MLLT3: variants seen among roughly 807,000 people sequenced by gnomAD.
The protein encoded by MLLT3 is protein AF-9.
MLLT3 carries 4 observed loss-of-function variants against 53.2 expected under a neutral mutation model. The observed-to-expected ratio is 0.08, with a 90% confidence interval of 0.04 to 0.17. The LOEUF (loss-of-function observed/expected upper bound fraction) is 0.17. MLLT3 is among the 10% of genes least tolerant of loss of function. The pLI is 1.00. For missense variants in MLLT3, 569 were observed against 684.0 expected, an observed-to-expected ratio of 0.83 and a Z score of 1.87; for synonymous variants, 283 against 230.6, an observed-to-expected ratio of 1.23 and a Z score of -2.06.
intron 3 of MLLT3, among the ~76,000 whole-genome samples, chr9:20,451,122 G>A (rs1823828997): frequency 6.6e-6 from 1 of 152,080 alleles, no homozygotes; most frequent in African/African-American, 2.4e-5. Context: ...GACTTTGAAA[G>A]GCATATTGCT....
intron 2 of MLLT3, among the ~76,000 whole-genome samples, chr9:20,511,241 C>T (rs555745677): frequency 1.8e-3 from 271 of 151,726 alleles, no homozygotes; most frequent in Middle Eastern, 6.8e-3. Context: ...AAAACTTAAA[C>T]GTATTACTTT....
At chr9:20,483,755 T>G (rs1039033284) in intron 2 of MLLT3, among the ~76,000 whole-genome samples, 6 of 133,226 alleles carry the variant, frequency 4.5e-5, no homozygotes, top group Non-Finnish European at 7.7e-5. Flanking sequence ...TCACCCAGGC[T>G]AGAGTGCAGT....
chr9:20,376,785 A>G (rs183581516), intron 5 of MLLT3, among the ~76,000 whole-genome samples: 149 of 152,326 alleles, frequency 9.8e-4, no homozygotes, highest in African/African-American at 3.5e-3. Context: ...GATTGTAGCC[A>G]GAACATGTGC....
In MLLT3 at chr9:20,606,510, T is replaced by G. The variant is rs565591616; in HGVS notation, c.193+14144A>C. 1.6e-4 allele frequency among the ~76,000 whole-genome samples: 25 copies of G among 152,272 alleles called. No individual in the cohort carries two copies. In the South Asian group the frequency reaches 2.7e-3, roughly 16 times the overall value. On this transcript the variant is annotated intron_variant, in intron 2 of 10. Transcript: ENST00000380338. ...TACATTATACTCCATTTGAACAGGC[T>G]ACAAAGTACTTTTATTTGAAAAGCT... is the stretch of plus-strand genomic sequence containing the variant.
At chr9:20,369,035 C>A (rs1821526388) in intron 5 of MLLT3, among the ~76,000 whole-genome samples, 1 of 152,130 alleles carries the variant, frequency 6.6e-6, no homozygotes, top group African/African-American at 2.4e-5. Context: ...TACAGCCCCA[C>A]CCAGGAGTTA....
chr9:20,529,425 T>C (rs759016767), intron 2 of MLLT3, among the ~76,000 whole-genome samples: 1 of 152,204 alleles, frequency 6.6e-6, no homozygotes, highest in Non-Finnish European at 1.5e-5. Flanking sequence ...AACTGATGCA[T>C]GACACTTTTA....
intron 2 of MLLT3, among the ~76,000 whole-genome samples, chr9:20,518,215 C>T (rs765722268): frequency 6.6e-6 from 1 of 151,924 alleles, no homozygotes; most frequent in Non-Finnish European, 1.5e-5. Context: ...CGTGGTGGCA[C>T]GCGCCTGTAA....
intron 2 of MLLT3, among the ~76,000 whole-genome samples, chr9:20,619,227 T>C (rs1386038701): frequency 6.6e-6 from 1 of 152,256 alleles, no homozygotes; most frequent in Non-Finnish European, 1.5e-5. Flanking sequence ...TTATTTCCTA[T>C]AGGCCATGCA....
intron 2 of MLLT3, among the ~76,000 whole-genome samples, chr9:20,569,669 T>TGTC (rs769906164): frequency 3.3e-5 from 5 of 152,188 alleles, no homozygotes; most frequent in Non-Finnish European, 7.3e-5. Context: ...GTGTCCTTGG[T>TGTC]ATTTAGAACA....
intron 5 of MLLT3, among the ~76,000 whole-genome samples, chr9:20,389,892 T>C (rs1822142316): frequency 6.6e-6 from 1 of 152,212 alleles, no homozygotes; most frequent in African/African-American, 2.4e-5. Flanking sequence ...ATATTGACAA[T>C]TGCTCATTAA....
chr9:20,413,378 A>G (rs1161068329), intron 5 of MLLT3, among the ~76,000 whole-genome samples: 1 of 152,144 alleles, frequency 6.6e-6, no homozygotes, highest in Non-Finnish European at 1.5e-5. Context: ...AAGTTTTATT[A>G]TATTCTTCTC....
intron 2 of MLLT3, among the ~76,000 whole-genome samples, chr9:20,493,191 C>T (rs897584235): frequency 6.6e-6 from 1 of 151,866 alleles, no homozygotes; most frequent in Admixed American, 6.6e-5. Flanking sequence ...AAGTGTCTTC[C>T]TACTCTTGTT....
At chr9:20,383,685 C>G (rs1230624091) in intron 5 of MLLT3, among the ~76,000 whole-genome samples, 1 of 151,834 alleles carries the variant, frequency 6.6e-6, no homozygotes, top group Non-Finnish European at 1.5e-5. Context: ...ATGTCTGAGT[C>G]CATTTGGCTT....
chr9:20,504,035 C>G (rs763925322), intron 2 of MLLT3, among the ~76,000 whole-genome samples: 1 of 151,668 alleles, frequency 6.6e-6, no homozygotes, highest in Non-Finnish European at 1.5e-5. Flanking sequence ...TGGCTATTAT[C>G]GAAAAGATGA....
intron 2 of MLLT3, among the ~76,000 whole-genome samples, chr9:20,581,881 C>G (rs80263547): frequency 0.017 from 2,549 of 152,276 alleles, 78 homozygotes; most frequent in East Asian, 0.14. Flanking sequence ...TTAAGGAGAG[C>G]AACCCTCTCT....
chr9:20,613,152 T>TG (rs1418551121), intron 2 of MLLT3, among the ~76,000 whole-genome samples: 4 of 151,878 alleles, frequency 2.6e-5, no homozygotes, highest in African/African-American at 7.3e-5. Context: ...CAGAATTGAG[T>TG]GGGGGAAAAA....
chr9:20,356,095 A>C (rs1434397545), intron 8 of MLLT3, among the ~76,000 whole-genome samples: 1 of 152,178 alleles, frequency 6.6e-6, no homozygotes, highest in Admixed American at 6.5e-5. Context: ...AACATTTTTT[A>C]TTACTAATAA....
chr9:20,616,178 C>A (rs1477630100), intron 2 of MLLT3, among the ~76,000 whole-genome samples: 1 of 152,052 alleles, frequency 6.6e-6, no homozygotes, highest in Non-Finnish European at 1.5e-5. Flanking sequence ...GGTAATAGTT[C>A]TATTTTATCA....
intron 2 of MLLT3, among the ~76,000 whole-genome samples, chr9:20,526,976 G>A (rs1818219569): frequency 6.6e-6 from 1 of 152,072 alleles, no homozygotes; most frequent in Non-Finnish European, 1.5e-5. Flanking sequence ...TTTTCTATTG[G>A]ATTGGCTGCC....
Sources: gnomAD v4.1 joint callset for allele counts (sites outside exome capture counted in the v4.1 genomes callset) on GRCh38, gnomAD v4.1.1 for gene constraint, MANE v1.5 for transcripts, NCBI Gene and HGNC (gene_info 2026-07-23, HGNC 2026-07-21) for gene names.